Variants in SMPX observed in about 807,000 individuals in gnomAD.
SMPX encodes small muscle protein X-linked, also known as small muscular protein.
A neutral mutation model predicts 6.3 loss-of-function variants in SMPX; 2 were observed. The observed-to-expected ratio is 0.32, with a 90% confidence interval of 0.13 to 0.99. The LOEUF (loss-of-function observed/expected upper bound fraction) is 0.99. SMPX is among the 50% of genes least tolerant of loss of function. The pLI is 0.49. For missense variants in SMPX, 60 were observed against 66.8 expected (o/e 0.90, Z 0.36); for synonymous variants, 32 against 24.7 (o/e 1.30, Z -0.88).
intron 4 of SMPX, among the ~76,000 whole-genome samples, chrX:21,734,966 G>A (rs1400335868): frequency 9.0e-6 from 1 of 111,443 alleles, no homozygotes. Context: ...TGCGCCTTGT[G>A]GTTTTCACTG....
rs1290354579 is a variant in SMPX at position 21,706,124 on chromosome X, A to G, written c.*285T>C. ...ACTTTTCATCAAAATCGTTAGGCAC[A>G]TTGCCATATCATTCTCCATAAAATC... On this transcript the variant is annotated 3_prime_UTR_variant, in exon 5 of 5. Coordinates refer to ENST00000379494, the MANE Select transcript of SMPX (RefSeq NM_014332.3). The G allele has an allele frequency of 3.9e-6, 2 of 513,199 alleles. No homozygotes were observed. Among genetic ancestry groups the G allele is most frequent in the Non-Finnish European group, 7.0e-6 (2 of 286,661 alleles). 42.3% of individuals were successfully genotyped at this position (513,199 alleles called of 1,213,427 possible).
At position 21,706,761 on chromosome X, in the gene SMPX, G is replaced by A. The variant is rs1028429938; in HGVS notation, c.*15-367C>T. Among the ~76,000 whole-genome samples, 7 of 110,090 alleles carry A rather than the reference G, an allele frequency of 6.4e-5. No homozygotes were observed. In the Admixed American group the frequency reaches 6.8e-4, roughly 11 times the overall value. On this transcript the variant is annotated intron_variant, in intron 4 of 4. Coordinates refer to ENST00000379494, the MANE Select transcript of SMPX (RefSeq NM_014332.3). ...ATGGAGATAATTTCATCACGAGGGCGGTTCCCCCCATACTATTCTCATGAT... is the reference window on the plus strand; with the variant it reads ...ATGGAGATAATTTCATCACGAGGGCAGTTCCCCCCATACTATTCTCATGAT...
intron 4 of SMPX, among the ~76,000 whole-genome samples, chrX:21,718,120 C>T (rs1220551579): frequency 6.2e-5 from 7 of 112,103 alleles, no homozygotes. Flanking sequence ...TTGAAAGATC[C>T]GCTGATTGCA....
intron 4 of SMPX, among the ~76,000 whole-genome samples, chrX:21,723,944 G>A (rs2092794358): frequency 8.9e-6 from 1 of 111,818 alleles, no homozygotes; most frequent in South Asian, 3.7e-4. Context: ...GTCTTATCTG[G>A]GGCATGAGCT....
intron 4 of SMPX, among the ~76,000 whole-genome samples, chrX:21,726,231 C>T (rs1367580775): frequency 1.8e-5 from 2 of 111,907 alleles, no homozygotes; most frequent in African/African-American, 6.5e-5. Context: ...GGCAAATGTG[C>T]GCAGAAAGCC....
At chrX:21,737,528 A>G in intron 4 of SMPX, 21 bp downstream of exon 4, 2 of 1,190,904 alleles carry the variant, frequency 1.7e-6, no homozygotes, top group South Asian at 1.8e-5. Context: ...TTTGAGACAA[A>G]GAAGATAGTT....
intron 4 of SMPX, among the ~76,000 whole-genome samples, chrX:21,721,143 T>C (rs2092791261): frequency 3.6e-5 from 4 of 112,068 alleles, no homozygotes; most frequent in Admixed American, 1.9e-4. Flanking sequence ...GGCTGGGTCT[T>C]GGTTGGACTA....
At chrX:21,724,971 G>A (rs771592385) in intron 4 of SMPX, among the ~76,000 whole-genome samples, 13 of 112,108 alleles carry the variant, frequency 1.2e-4, no homozygotes, top group Non-Finnish European at 1.9e-4. Context: ...GTGATTTTGC[G>A]TATGTTATAA....
chrX:21,724,799 C>T (rs1253987345), intron 4 of SMPX, among the ~76,000 whole-genome samples: 1 of 112,256 alleles, frequency 8.9e-6, no homozygotes, highest in Non-Finnish European at 1.9e-5. Flanking sequence ...AGTTGGAAGT[C>T]ATGTGAGATT....
chrX:21,717,756 G>C (rs2092786847), intron 4 of SMPX, among the ~76,000 whole-genome samples: 1 of 112,373 alleles, frequency 8.9e-6, no homozygotes, highest in Non-Finnish European at 1.9e-5. Flanking sequence ...GGAAGCCATG[G>C]ATGCTTTGCC....
At chrX:21,742,893 A>G in intron 3 of SMPX, among the ~76,000 whole-genome samples, 1 of 112,795 alleles carries the variant, frequency 8.9e-6, no homozygotes. Flanking sequence ...ACAGTTTGCT[A>G]TGCCTTGTGG....
At position 21,706,100 on chromosome X, in the gene SMPX, C is replaced by T; in HGVS notation, c.*309G>A. On this transcript the variant is annotated 3_prime_UTR_variant, in exon 5 of 5. Transcript: ENST00000379494. ...ATACTGTAGGAAGTAGCTTGGGAAACTTTTCATCAAAATCGTTAGGCACAT... is the reference window on the plus strand; with the variant it reads ...ATACTGTAGGAAGTAGCTTGGGAAATTTTTCATCAAAATCGTTAGGCACAT... 2 of 512,876 alleles carry T rather than the reference C, an allele frequency of 3.9e-6. No individual in the cohort carries two copies. Among genetic ancestry groups the T allele is most frequent in the Non-Finnish European group, 7.0e-6 (2 of 286,657 alleles). The allele number at this position is 512,876 out of a possible 1,213,427, so 42.3% of individuals were successfully genotyped here. A position where few individuals can be genotyped will look rare whatever the true frequency, so the allele number is the denominator to read the frequency against.
chrX:21,721,338 C>T (rs1250676676), intron 4 of SMPX, among the ~76,000 whole-genome samples: 1 of 111,904 alleles, frequency 8.9e-6, no homozygotes, highest in Non-Finnish European at 1.9e-5. Context: ...TATCTCTTTC[C>T]CATGTCCTAT....
At chrX:21,735,515 A>C (rs150037242) in intron 4 of SMPX, among the ~76,000 whole-genome samples, 2 of 110,193 alleles carry the variant, frequency 1.8e-5, no homozygotes, top group Admixed American at 1.9e-4. Flanking sequence ...TCAATATTTG[A>C]TTGAGTTGTT....
intron 4 of SMPX, among the ~76,000 whole-genome samples, chrX:21,729,156 C>T (rs753406522): frequency 1.8e-5 from 2 of 112,690 alleles, no homozygotes; most frequent in African/African-American, 3.2e-5. Context: ...TTTAAGAGTG[C>T]TTCATTCCTA....
At chrX:21,754,057 TAAAC>T (rs2092830174) in intron 2 of SMPX, among the ~76,000 whole-genome samples, 185 bp downstream of exon 2, 1 of 112,582 alleles carries the variant, frequency 8.9e-6, no homozygotes. Flanking sequence ...TCAGAACAAT[TAAAC>T]AAAAATAGCT....
At chrX:21,730,158 G>A (rs975923512) in intron 4 of SMPX, among the ~76,000 whole-genome samples, 1 of 112,087 alleles carries the variant, frequency 8.9e-6, no homozygotes, top group Admixed American at 9.4e-5. Context: ...TCAAAGCAGG[G>A]AACATTTCAA....
intron 3 of SMPX, among the ~76,000 whole-genome samples, chrX:21,739,771 A>G (rs2092814224): frequency 8.9e-6 from 1 of 112,215 alleles, no homozygotes; most frequent in African/African-American, 3.2e-5. Flanking sequence ...AGGTGGGTAG[A>G]CCTTAATAAA....
At chrX:21,706,449 G>T (rs917604145) in intron 4 of SMPX, 55 bp from the exon 5 acceptor site, 7 of 302,563 alleles carry the variant, frequency 2.3e-5, no homozygotes, top group African/African-American at 1.9e-4. Flanking sequence ...TGTCATTAAG[G>T]CATAATTGAC....
Sources: allele counts gnomAD v4.1 joint callset (sites outside exome capture counted in the v4.1 genomes callset), GRCh38; gene constraint gnomAD v4.1.1; transcripts MANE v1.5; gene names NCBI Gene and HGNC (gene_info 2026-07-23, HGNC 2026-07-21).